KCTD8: variants seen among roughly 807,000 people sequenced by gnomAD.
The protein encoded by KCTD8 is BTB/POZ domain-containing protein KCTD8.
Under a neutral mutation model 31.5 loss-of-function variants are expected in KCTD8, and 27 were observed. That is an observed-to-expected ratio of 0.86 (90% CI 0.63 to 1.18). KCTD8 has a LOEUF of 1.18. KCTD8 is among the 50% of genes most tolerant of loss of function. The pLI is 0.00. For missense variants in KCTD8, 658 were observed against 647.7 expected (o/e 1.02, Z -0.17); for synonymous variants, 290 against 280.0 (o/e 1.04, Z -0.36).
At chr4:44,226,265 C>A (rs888920366) in intron 1 of KCTD8, among the ~76,000 whole-genome samples, 2 of 152,106 alleles carry the variant, frequency 1.3e-5, no homozygotes, top group African/African-American at 4.8e-5. Flanking sequence ...TTGTTCAATT[C>A]CCACTTATAA....
intron 1 of KCTD8, among the ~76,000 whole-genome samples, chr4:44,402,099 T>C (rs1049217100): frequency 6.6e-6 from 1 of 152,176 alleles, no homozygotes; most frequent in Non-Finnish European, 1.5e-5. Flanking sequence ...AAAGGTAAAG[T>C]GGACGTGGCA....
At chr4:44,431,560 T>TA (rs1044645510) in intron 1 of KCTD8, among the ~76,000 whole-genome samples, 10 of 151,428 alleles carry the variant, frequency 6.6e-5, no homozygotes, top group African/African-American at 1.9e-4. Context: ...CTGAGCTTCA[T>TA]AAAAAAATTT....
At chr4:44,184,826 C>A (rs1713531787) in intron 1 of KCTD8, among the ~76,000 whole-genome samples, 1 of 152,188 alleles carries the variant, frequency 6.6e-6, no homozygotes, top group African/African-American at 2.4e-5. Flanking sequence ...ACCACCCACA[C>A]ATAAAAATTA....
chr4:44,256,582 G>A (rs1716000464), intron 1 of KCTD8, among the ~76,000 whole-genome samples: 1 of 151,892 alleles, frequency 6.6e-6, no homozygotes, highest in East Asian at 1.9e-4. Flanking sequence ...TGGGAAATAA[G>A]AGATTTTGTT....
rs545659487 is a variant in KCTD8 at position 44,246,340 on chromosome 4, C to A, written c.962-71090G>T. ...CCTATCTATATTTTAGCCCGTATTT[C>A]TCTCTACCTCTGAGCATGAGGTATT... On this transcript the variant is annotated intron_variant, in intron 1 of 1. Coordinates refer to ENST00000360029, the MANE Select transcript of KCTD8 (RefSeq NM_198353.3). Among the ~76,000 whole-genome samples, 30 of 152,100 alleles carry A rather than the reference C, an allele frequency of 2.0e-4. No individual in the cohort carries two copies. The South Asian group carries it at 6.2e-3, about 32-fold the overall frequency.
At chr4:44,264,504 C>T (rs187471898) in intron 1 of KCTD8, among the ~76,000 whole-genome samples, 1 of 152,280 alleles carries the variant, frequency 6.6e-6, no homozygotes, top group East Asian at 1.9e-4. Flanking sequence ...GTAACGGGTT[C>T]ATCTCACTAG....
At chr4:44,235,395 A>T (rs1391767491) in intron 1 of KCTD8, among the ~76,000 whole-genome samples, 1 of 149,236 alleles carries the variant, frequency 6.7e-6, no homozygotes, top group Non-Finnish European at 1.5e-5. Context: ...ATAGGTAGAG[A>T]TATAGATATA....
intron 1 of KCTD8, among the ~76,000 whole-genome samples, chr4:44,435,484 T>G (rs1028781396): frequency 2.0e-5 from 3 of 151,868 alleles, no homozygotes; most frequent in African/African-American, 7.3e-5. Context: ...CTCCAGGTAT[T>G]TTTTATTATC....
intron 1 of KCTD8, among the ~76,000 whole-genome samples, chr4:44,205,515 T>C (rs749580295): frequency 6.6e-6 from 1 of 152,108 alleles, no homozygotes; most frequent in Non-Finnish European, 1.5e-5. Context: ...ACTATTAATG[T>C]ACTGGAAGTA....
In KCTD8 at chr4:44,313,852, T is replaced by A. The variant is rs1425032426; in HGVS notation, c.961+133711A>T. Among the ~76,000 whole-genome samples, 3 of 152,246 alleles carry A rather than the reference T, an allele frequency of 2.0e-5. No individual in the cohort carries two copies. The South Asian group carries it at 6.2e-4, about 32-fold the overall frequency. On this transcript the variant is annotated intron_variant, in intron 1 of 1. Transcript: ENST00000360029. ...AAGGCAAGAGTTGGCCAAGCAGGGA[T>A]GTGAGGAAAGACATTCCAACAGAAA...
At chr4:44,291,507 A>C (rs1717272037) in intron 1 of KCTD8, among the ~76,000 whole-genome samples, 1 of 152,180 alleles carries the variant, frequency 6.6e-6, no homozygotes, top group African/African-American at 2.4e-5. Context: ...ACAAGATTTA[A>C]ATTATAAAAA....
Position 44,174,722 on chromosome 4 carries a change from A to G in KCTD8, c.*68T>C, listed in dbSNP as rs905361381. The G allele has an allele frequency of 8.6e-7, 1 of 1,158,978 alleles. No individual in the cohort carries two copies. The highest frequency in any genetic ancestry group is 1.5e-5 in the African/African-American group (1 of 64,756). 71.8% of individuals were successfully genotyped at this position (1,158,978 alleles called of 1,614,324 possible). ...GAATCACACTGACCATTGTTAGGACATCAGTCAGGTGGTGACACTGTAGTA... is the reference window on the plus strand; with the variant it reads ...GAATCACACTGACCATTGTTAGGACGTCAGTCAGGTGGTGACACTGTAGTA... On this transcript the variant is annotated 3_prime_UTR_variant, in exon 2 of 2. Transcript: ENST00000360029.
At chr4:44,367,260 G>GC (rs1719664788) in intron 1 of KCTD8, among the ~76,000 whole-genome samples, 1 of 152,116 alleles carries the variant, frequency 6.6e-6, no homozygotes, top group Non-Finnish European at 1.5e-5. Context: ...ATGATAAGCC[G>GC]CAAGAGTACA....
At chr4:44,382,917 ACT>A (rs1308725014) in intron 1 of KCTD8, among the ~76,000 whole-genome samples, 3 of 151,910 alleles carry the variant, frequency 2.0e-5, no homozygotes, top group East Asian at 3.9e-4. Flanking sequence ...AAACCTGAAG[ACT>A]CTACCAAAAA....
chr4:44,413,054 C>T (rs898957753), intron 1 of KCTD8, among the ~76,000 whole-genome samples: 4 of 152,082 alleles, frequency 2.6e-5, no homozygotes, highest in African/African-American at 9.7e-5. Context: ...GAAATCAACT[C>T]CAGGTAAAAG....
intron 1 of KCTD8, among the ~76,000 whole-genome samples, chr4:44,287,316 A>G: frequency 6.6e-6 from 1 of 152,156 alleles, no homozygotes; most frequent in East Asian, 1.9e-4. Flanking sequence ...CATACATACA[A>G]TACTGTTTCT....
chr4:44,369,865 A>C (rs1719738441), intron 1 of KCTD8, among the ~76,000 whole-genome samples: 1 of 152,154 alleles, frequency 6.6e-6, no homozygotes. Context: ...AATTGCTTTC[A>C]CTGGCATTTC....
At chr4:44,411,063 T>C (rs1053562171) in intron 1 of KCTD8, among the ~76,000 whole-genome samples, 4 of 152,122 alleles carry the variant, frequency 2.6e-5, no homozygotes, top group Admixed American at 2.6e-4. Flanking sequence ...GTCCCAAGAA[T>C]AGTGCATAAA....
At chr4:44,324,660 G>A (rs1718396552) in intron 1 of KCTD8, among the ~76,000 whole-genome samples, 1 of 151,886 alleles carries the variant, frequency 6.6e-6, no homozygotes, top group Non-Finnish European at 1.5e-5. Flanking sequence ...TTGCCCCTGA[G>A]GCTGATGAAT....
Sources: allele counts gnomAD v4.1 joint callset (sites outside exome capture counted in the v4.1 genomes callset), GRCh38; gene constraint gnomAD v4.1.1; transcripts MANE v1.5; gene names NCBI Gene and HGNC (gene_info 2026-07-23, HGNC 2026-07-21).